Variants in PCDHA9 observed in about 807,000 individuals in gnomAD.
The protein encoded by PCDHA9 is protocadherin alpha-9.
Under a neutral mutation model 62.0 loss-of-function variants are expected in PCDHA9, and 62 were observed. That is an observed-to-expected ratio of 1.00 (90% CI 0.81 to 1.23). The LOEUF is 1.23. PCDHA9 is among the 50% of genes most tolerant of loss of function. The probability of loss-of-function intolerance (pLI) is 0.00; values close to 1 mark genes in which losing one functional copy is unlikely to be tolerated. For missense variants in PCDHA9, 1,205 were observed against 1,249.8 expected, an observed-to-expected ratio of 0.96 and a Z score of 0.54; for synonymous variants, 557 against 567.6, an observed-to-expected ratio of 0.98 and a Z score of 0.27.
At chr5:140,978,799 A>C (rs2096824173) in intron 1 of PCDHA9, 150 bp from the exon 2 acceptor site, 2 of 1,479,066 alleles carry the variant, frequency 1.4e-6, no homozygotes, top group East Asian at 4.9e-5. Flanking sequence ...ATATATGTAG[A>C]TATCATCATA....
intron 1 of PCDHA9, among the ~76,000 whole-genome samples, chr5:140,890,014 A>G (rs1402612271): frequency 6.6e-6 from 1 of 152,148 alleles, no homozygotes; most frequent in African/African-American, 2.4e-5. Flanking sequence ...TGCCAGAAAA[A>G]TGTAGAAGGC....
intron 1 of PCDHA9, chr5:140,877,865 T>C (rs1554170196): frequency 1.3e-6 from 2 of 1,496,610 alleles, no homozygotes; most frequent in South Asian, 2.8e-5. Flanking sequence ...TATTTAGATA[T>C]ATTTGTTTCC....
Position 140,856,497 on chromosome 5 carries a change from G to A in PCDHA9, c.2394+5608G>A, listed in dbSNP as rs782069130. 1.1e-5 allele frequency: 17 copies of A among 1,598,346 alleles called. 1 individual carries two copies. Among genetic ancestry groups the A allele is most frequent in the Admixed American group, 5.1e-5 (3 of 59,216 alleles). ...CCTGAATCCAGACTGCTTGACTCTC[G>A]ATTTCCACTAGAAGGCGCATCTGAT... On this transcript the variant is annotated intron_variant, in intron 1 of 3. Transcript: ENST00000532602.
chr5:140,872,442 C>T (rs1443444144), intron 1 of PCDHA9, among the ~76,000 whole-genome samples: 1 of 152,070 alleles, frequency 6.6e-6, no homozygotes, highest in Non-Finnish European at 1.5e-5. Context: ...GCCTGGACAA[C>T]ATAGCGAGAT....
At chr5:140,990,073 G>A (rs559119700) in intron 3 of PCDHA9, among the ~76,000 whole-genome samples, 6 of 152,178 alleles carry the variant, frequency 3.9e-5, no homozygotes, top group East Asian at 1.9e-4. Context: ...AAATAAGGGG[G>A]ACAAAGGATG....
intron 1 of PCDHA9, among the ~76,000 whole-genome samples, chr5:140,939,514 A>G (rs1280466076): frequency 2.0e-5 from 3 of 152,236 alleles, no homozygotes; most frequent in African/African-American, 7.2e-5. Flanking sequence ...TATAACATTA[A>G]TAGTTATAGA....
intron 1 of PCDHA9, among the ~76,000 whole-genome samples, chr5:140,872,175 T>A (rs1402825591): frequency 6.6e-5 from 10 of 152,228 alleles, no homozygotes; most frequent in African/African-American, 2.4e-4. Context: ...CTTTTTTTTT[T>A]TTACAGTGTT....
chr5:140,850,815 C>T lies in PCDHA9; in HGVS notation c.2320C>T (p.Pro774Ser). Residue 774 changes from proline to serine, a missense_variant, in exon 1 of 4, where the codon CCG becomes TCG. Pro to Ser is a moderately conservative substitution (Grantham distance 74, BLOSUM62 -1). Transcript: ENST00000532602. ...GAAGACCGACCTCATGGCCTTCAGCCCGGGCCTTTCTCCTTGTGCTGGATC... is the reference window on the plus strand; with the variant it reads ...GAAGACCGACCTCATGGCCTTCAGCTCGGGCCTTTCTCCTTGTGCTGGATC... ...KQKTDLMAFS[P>S]GLSPCAGSTE... 6.3e-7 allele frequency: 1 copy of T among 1,598,236 alleles called. No individual in the cohort carries two copies. The highest frequency in any genetic ancestry group is 8.6e-7 in the Non-Finnish European group (1 of 1,167,660).
chr5:140,858,726 C>A (rs115774489), intron 1 of PCDHA9: 4 of 481,590 alleles, frequency 8.3e-6, no homozygotes, highest in African/African-American at 8.1e-5. Context: ...GCAGTTCTGA[C>A]GATTTACTTT....
At chr5:140,871,486 C>T in intron 1 of PCDHA9, 1 of 1,592,450 alleles carries the variant, frequency 6.3e-7, no homozygotes, top group African/African-American at 1.3e-5. Context: ...GTCAAATCAC[C>T]CCGGACAGGT....
chr5:140,863,054 C>G (rs782230068), intron 1 of PCDHA9: 4 of 563,138 alleles, frequency 7.1e-6, no homozygotes, highest in Non-Finnish European at 1.4e-5. Flanking sequence ...TGGCAGCACC[C>G]GTTCCACGTG....
rs79233681 is a variant in PCDHA9 at position 140,965,822 on chromosome 5, A to T, written c.2395-13127A>T. Among the ~76,000 whole-genome samples the T allele has an allele frequency of 5.2e-3, 789 of 152,324 alleles. 9 individuals are homozygous for T. The highest frequency in any genetic ancestry group is 0.018 in the African/African-American group (747 of 41,576). On this transcript the variant is annotated intron_variant, in intron 1 of 3. Coordinates refer to ENST00000532602, the MANE Select transcript of PCDHA9 (RefSeq NM_031857.2). The stretch of plus-strand genomic sequence containing the variant: ...TTTTTTTAAACAGAGCATTTTAAAC[A>T]TTTAAATATTGGTTATTTGCCAAGG...
Position 140,862,212 on chromosome 5 carries a change from G to T in PCDHA9, c.2394+11323G>T, listed in dbSNP as rs2047258044. ...TTCCCCAATGTTTGATCACTGCACA[G>T]ACTTGATAGAAGTCTTGGACATCAA... On this transcript the variant is annotated intron_variant, in intron 1 of 3. Transcript: ENST00000532602. The T allele has an allele frequency of 2.0e-5, 4 of 203,790 alleles. No homozygotes were observed. In the South Asian group the frequency reaches 4.0e-4, roughly 20 times the overall value. The allele number at this position is 203,790 out of a possible 1,614,324, so 12.6% of individuals were successfully genotyped here.
At chr5:140,882,319 G>A in intron 1 of PCDHA9, 1 of 1,614,136 alleles carries the variant, frequency 6.2e-7, no homozygotes, top group Admixed American at 1.7e-5. Context: ...TACTGCTCTG[G>A]CTTCTGATCC....
At chr5:140,907,341 G>A (rs376587538) in intron 1 of PCDHA9, among the ~76,000 whole-genome samples, 1 of 152,326 alleles carries the variant, frequency 6.6e-6, no homozygotes, top group South Asian at 2.1e-4. Context: ...ATATGCATGA[G>A]CCCGCTGCTG....
chr5:140,881,232 C>A, intron 1 of PCDHA9: 2 of 318,074 alleles, frequency 6.3e-6, no homozygotes, highest in Non-Finnish European at 9.1e-6. Context: ...AAATTAAAGT[C>A]AATTTAAATG....
intron 1 of PCDHA9, chr5:140,969,250 C>T (rs1554231631): frequency 6.2e-7 from 1 of 1,614,216 alleles, no homozygotes; most frequent in Admixed American, 1.7e-5. Flanking sequence ...CAGTGACTGA[C>T]AGCAGGAATC....
chr5:140,869,873 A>C, intron 1 of PCDHA9: 8 of 1,610,644 alleles, frequency 5.0e-6, no homozygotes, highest in Non-Finnish European at 6.8e-6. Flanking sequence ...AATGCTGCTA[A>C]AGAAACTCTT....
intron 1 of PCDHA9, chr5:140,966,878 G>A (rs2096064555): frequency 6.3e-7 from 1 of 1,587,174 alleles, no homozygotes; most frequent in African/African-American, 1.3e-5. Flanking sequence ...GCTGCTACCT[G>A]GCCCTGCGGC....
Sources: gnomAD v4.1 joint callset for allele counts (sites outside exome capture counted in the v4.1 genomes callset) on GRCh38, gnomAD v4.1.1 for gene constraint, MANE v1.5 for transcripts, NCBI Gene and HGNC (gene_info 2026-07-23, HGNC 2026-07-21) for gene names.